LRPPRC: variants seen among roughly 807,000 people sequenced by gnomAD.
LRPPRC encodes the protein leucine-rich PPR motif-containing protein, mitochondrial.
In LRPPRC, 120 loss-of-function variants were observed where a neutral mutation model predicts 180.3. The ratio of observed to expected loss-of-function variants is 0.67; its 90% CI spans 0.57 to 0.77. LRPPRC has a LOEUF of 0.77. Ranked by LOEUF, LRPPRC falls within the 30% of genes least tolerant of loss-of-function variation. The pLI is 0.00. For missense variants in LRPPRC, 2,012 were observed against 1,657.2 expected, an observed-to-expected ratio of 1.21 and a Z score of -3.72; for synonymous variants, 723 against 600.0, an observed-to-expected ratio of 1.21 and a Z score of -3.00.
chr2:43,935,940 G>A lies in LRPPRC; in HGVS notation c.2505-1062C>T, dbSNP rs555272434. Among the ~76,000 whole-genome samples, 45 of 152,176 alleles carry A rather than the reference G, an allele frequency of 3.0e-4. 1 individual carries two copies. The highest frequency in any genetic ancestry group is 9.6e-4 in the African/African-American group (40 of 41,522). On this transcript the variant is annotated intron_variant, in intron 23 of 37. Transcript: ENST00000260665. ...CTCTATTAAAAATATAAAATTAGCC[G>A]GGCGTGATGGCGCATGCCTGTAATC...
chr2:43,946,471 G>A (rs1275506181), intron 20 of LRPPRC, among the ~76,000 whole-genome samples: 1 of 151,920 alleles, frequency 6.6e-6, no homozygotes, highest in Non-Finnish European at 1.5e-5. Flanking sequence ...ATATAAAATA[G>A]GCCATTATTT....
chr2:43,970,122 A>G (rs1198230092), intron 11 of LRPPRC, among the ~76,000 whole-genome samples: 1 of 152,310 alleles, frequency 6.6e-6, no homozygotes, highest in Admixed American at 6.5e-5. Flanking sequence ...CAGCTACAAG[A>G]TTCTTATTCT....
chr2:43,894,539 T>C lies in LRPPRC; in HGVS notation c.3985+6A>G, dbSNP rs1241292438. 2 of 1,325,854 alleles carry C rather than the reference T, an allele frequency of 1.5e-6. No homozygotes were observed. Among genetic ancestry groups the C allele is most frequent in the Non-Finnish European group, 2.2e-6 (2 of 917,870 alleles). 82.1% of individuals were successfully genotyped at this position (1,325,854 alleles called of 1,614,324 possible). A position where few individuals can be genotyped will look rare whatever the true frequency, so the allele number is the denominator to read the frequency against. ...AAATAATATAGTCAAATTAAACTTA[T>C]ATTACCATAGCTTTTCATGAGGGAA... On this transcript the variant is annotated splice_donor_region_variant and intron_variant, in intron 36 of 37. Transcript: ENST00000260665.
intron 34 of LRPPRC, among the ~76,000 whole-genome samples, chr2:43,898,612 T>C (rs1434644510): frequency 2.0e-5 from 3 of 152,180 alleles, no homozygotes; most frequent in Admixed American, 6.5e-5. Flanking sequence ...ATGAATGCAG[T>C]TGTCTCCTTC....
At chr2:43,932,123 CAAAAAAAAAAAAAAAAA>C (rs746600862) in intron 25 of LRPPRC, among the ~76,000 whole-genome samples, 8 of 20,846 alleles carry the variant, frequency 3.8e-4, no homozygotes, top group Admixed American at 1.9e-3. Context: ...GACCCTGTCT[CAAAAAAAAAAAAAAAAA>C]AAAAAAAAAA....
At chr2:43,950,250 T>A (rs1672846605) in intron 15 of LRPPRC, among the ~76,000 whole-genome samples, 1 of 152,064 alleles carries the variant, frequency 6.6e-6, no homozygotes, top group Non-Finnish European at 1.5e-5. Flanking sequence ...CAGGGGTACA[T>A]GTGCAGGATG....
chr2:43,910,564 T>C (rs552855931), intron 30 of LRPPRC, among the ~76,000 whole-genome samples: 50 of 152,298 alleles, frequency 3.3e-4, no homozygotes, highest in African/African-American at 1.2e-3. Flanking sequence ...TTTCACCTTA[T>C]GAAGATTTTC....
intron 34 of LRPPRC, 138 bp from the exon 35 acceptor site, chr2:43,896,846 A>AT: frequency 1.5e-6 from 1 of 645,958 alleles, no homozygotes; most frequent in South Asian, 1.7e-5. Flanking sequence ...GTCGACTATT[A>AT]TTTTTTAAGG....
intron 25 of LRPPRC, among the ~76,000 whole-genome samples, chr2:43,932,287 C>T (rs1265928085): frequency 2.0e-5 from 3 of 152,018 alleles, no homozygotes; most frequent in Non-Finnish European, 4.4e-5. Context: ...ATTTAATGAG[C>T]TTATGACTGG....
At chr2:43,958,701 C>T (rs1366181213) in intron 13 of LRPPRC, among the ~76,000 whole-genome samples, 3 of 152,180 alleles carry the variant, frequency 2.0e-5, no homozygotes, top group Non-Finnish European at 2.9e-5. Context: ...ATGTTCTCTA[C>T]TACTCCAAAA....
intron 14 of LRPPRC, among the ~76,000 whole-genome samples, chr2:43,951,024 C>T (rs1193383605): frequency 6.6e-6 from 1 of 152,126 alleles, no homozygotes; most frequent in Admixed American, 6.5e-5. Flanking sequence ...GAGCCGAGAT[C>T]GTGCCACTGC....
At chr2:43,975,309 T>C (rs955493283) in intron 6 of LRPPRC, 92 bp from the exon 7 acceptor site, 1 of 1,043,530 alleles carries the variant, frequency 9.6e-7, no homozygotes, top group Non-Finnish European at 1.4e-6. Flanking sequence ...AAATAAAAAA[T>C]GCTAAGTACC....
At chr2:43,911,523 C>CTTCTTT (rs1217364053) in intron 30 of LRPPRC, among the ~76,000 whole-genome samples, 25 of 92,350 alleles carry the variant, frequency 2.7e-4, no homozygotes, top group African/African-American at 1.1e-3. Context: ...TCTTCTTCTT[C>CTTCTTT]TTTTTTTTTT....
intron 13 of LRPPRC, 62 bp from the exon 14 acceptor site, chr2:43,957,513 T>A (rs1191871269): frequency 1.6e-6 from 2 of 1,212,162 alleles, no homozygotes; most frequent in Non-Finnish European, 2.5e-6. Context: ...CCCTGTATTA[T>A]CAAATTGAAA....
At chr2:43,917,976 G>T in intron 29 of LRPPRC, 49 bp downstream of exon 29, 1 of 1,367,650 alleles carries the variant, frequency 7.3e-7, no homozygotes, top group Non-Finnish European at 1.0e-6. Flanking sequence ...ACTGCTATTA[G>T]AAAGAAGACC....
At chr2:43,973,748 C>T in intron 10 of LRPPRC, 34 bp from the exon 11 acceptor site, 1 of 1,602,264 alleles carries the variant, frequency 6.2e-7, no homozygotes, top group Non-Finnish European at 8.6e-7. Context: ...CACAAAGCTA[C>T]CTCAGCAAAA....
intron 30 of LRPPRC, among the ~76,000 whole-genome samples, chr2:43,909,129 G>C (rs1671165150): frequency 6.6e-6 from 1 of 152,138 alleles, no homozygotes; most frequent in Non-Finnish European, 1.5e-5. Flanking sequence ...ATAGTTAGTT[G>C]GATAATTCGT....
In LRPPRC at chr2:43,896,702, C is replaced by T; in HGVS notation, c.3832G>A (p.Gly1278Ser). 3.8e-6 allele frequency: 6 copies of T among 1,597,958 alleles called. No homozygotes were observed. Among genetic ancestry groups the T allele is most frequent in the Non-Finnish European group, 4.3e-6 (5 of 1,165,580 alleles). ...DDARALLQRCGAIAEQTPILL... is the reference protein window; with the variant it reads ...DDARALLQRCSAIAEQTPILL... Reference sequence around the variant, plus strand: ...ATCGGGGTTTGTTCAGCAATTGCACCACATCTCTAAAAATTAAAACATTAT... The same window carrying T: ...ATCGGGGTTTGTTCAGCAATTGCACTACATCTCTAAAAATTAAAACATTAT... Residue 1278 changes from glycine (G) to serine (S), a missense_variant, in exon 35 of 38, where the codon GGT becomes AGT. Coordinates refer to ENST00000260665, the MANE Select transcript of LRPPRC (RefSeq NM_133259.4).
At chr2:43,977,987 G>A (rs1467831939) in intron 3 of LRPPRC, among the ~76,000 whole-genome samples, 1 of 152,116 alleles carries the variant, frequency 6.6e-6, no homozygotes, top group African/African-American at 2.4e-5. Flanking sequence ...ATCTGGGGGT[G>A]AGAGTATGTG....
Sources: gnomAD v4.1 joint callset for allele counts (sites outside exome capture counted in the v4.1 genomes callset) on GRCh38, gnomAD v4.1.1 for gene constraint, MANE v1.5 for transcripts, NCBI Gene and HGNC (gene_info 2026-07-23, HGNC 2026-07-21) for gene names.